The following OR10H1 variants were observed in gnomAD, a reference collection of about 807,000 sequenced individuals.
The protein encoded by OR10H1 is olfactory receptor 10H1.
Under a neutral mutation model 13.1 loss-of-function variants are expected in OR10H1, and 12 were observed. The observed-to-expected ratio is 0.92, with a 90% CI of 0.59 to 1.48. The LOEUF (loss-of-function observed/expected upper bound fraction) is 1.48, where lower values mean the gene tolerates loss of function less well. Ranked by LOEUF, OR10H1 falls within the 40% of genes most tolerant of loss-of-function variation. OR10H1 has a pLI of 0.00. For synonymous variants in OR10H1, 168 were observed against 175.6 expected, an observed-to-expected ratio of 0.96 and a Z score of 0.34; for missense variants, 363 against 413.1, an observed-to-expected ratio of 0.88 and a Z score of 1.05.
rs964318455 is a variant in OR10H1, at chr19:15,812,422, AAG to A, written c.-323_-322del. On this transcript the variant is annotated 5_prime_UTR_variant, in exon 2 of 4. The change abolishes the stop of an existing upstream ORF in the 5' untranslated region. Coordinates refer to ENST00000641419, the MANE Select transcript of OR10H1 (RefSeq NM_013940.4). ...AAAAGAAAGAAAAAAGGGAGGAAGA[AAG>A]AGAGGGAGGGAGGGAGGAAGGAAAG... is the stretch of plus-strand genomic sequence containing the variant. 3.3e-5 allele frequency: 5 copies of A among 149,574 alleles called. No individual in the cohort carries two copies. The highest frequency in any genetic ancestry group is 3.9e-4 in the East Asian group (2 of 5,066). The allele number at this position is 149,574 out of a possible 1,614,324, so 9.3% of individuals were successfully genotyped here.
Position 15,807,709 on chromosome 19 carries a change from G to A in OR10H1, c.329C>T (p.Thr110Ile). ...QMFFSFSFGF[T>I]HSFLLTVMGY... ...CATGACGGTGAGCAGGAAGGAGTGG[G>A]TGAAGCCGAAGCTGAAGGAGAAGAA... Residue 110 changes from threonine to isoleucine, a missense_variant, in exon 4 of 4, where the codon ACC becomes ATC. Thr to Ile is a moderately conservative substitution (Grantham distance 89, BLOSUM62 -1). Coordinates refer to ENST00000641419, the MANE Select transcript of OR10H1 (RefSeq NM_013940.4). The A allele has an allele frequency of 6.2e-7, 1 of 1,613,956 alleles. No homozygotes were observed. Among genetic ancestry groups the A allele is most frequent in the Non-Finnish European group, 8.5e-7 (1 of 1,179,908 alleles).
intron 3 of OR10H1, 107 bp from the exon 4 acceptor site, chr19:15,808,155 G>A (rs914520128): frequency 1.1e-6 from 1 of 885,874 alleles, no homozygotes; most frequent in South Asian, 1.6e-5. Flanking sequence ...AAATGGTTTG[G>A]TTCCATTCCC....
chr19:15,807,269 A>T lies in OR10H1; in HGVS notation c.769T>A (p.Ser257Thr). The change falls in exon 4 of 4, where the codon TCC becomes ACC. Residue 257 changes from serine to threonine, a missense_variant. By Grantham distance (58) the Ser-to-Thr change is moderately conservative. Coordinates refer to ENST00000641419, the MANE Select transcript of OR10H1 (RefSeq NM_013940.4). ...CTTTTGGGCTTCAGGTAAATGACGGAGGCAAAGCCATAGTGCACGACCACC... is the reference window on the plus strand; with the variant it reads ...CTTTTGGGCTTCAGGTAAATGACGGTGGCAAAGCCATAGTGCACGACCACC... ...TVVVVHYGFA[S>T]VIYLKPKSPQ... 5 of 1,614,168 alleles carry T rather than the reference A, an allele frequency of 3.1e-6. No individual in the cohort carries two copies. Among genetic ancestry groups the T allele is most frequent in the Non-Finnish European group, 4.2e-6 (5 of 1,180,038 alleles).
chr19:15,814,519 G>C (rs2088955978), intron 1 of OR10H1, among the ~76,000 whole-genome samples: 1 of 137,258 alleles, frequency 7.3e-6, no homozygotes, highest in Non-Finnish European at 1.6e-5. Context: ...GAGAGAGAGA[G>C]AGAGAGAGAG....
chr19:15,813,474 AAGAGAGAGAGAG>A (rs57320070), intron 1 of OR10H1, among the ~76,000 whole-genome samples: 1 of 138,864 alleles, frequency 7.2e-6, no homozygotes, highest in Non-Finnish European at 1.5e-5. Flanking sequence ...GAGGCAGGGG[AAGAGAGAGAGAG>A]AGAGAGAGAG....
intron 3 of OR10H1, among the ~76,000 whole-genome samples, chr19:15,808,463 G>A (rs1755754698): frequency 1.3e-5 from 2 of 152,198 alleles, no homozygotes; most frequent in Admixed American, 1.3e-4. Context: ...AAGGGGGAAG[G>A]ACGGCTTGAG....
intron 1 of OR10H1, among the ~76,000 whole-genome samples, chr19:15,813,655 G>T (rs2088947369): frequency 6.7e-6 from 1 of 149,646 alleles, no homozygotes. Flanking sequence ...GAGAAGTGGG[G>T]AGATAGAGAG....
chr19:15,808,859 A>AAAT lies in OR10H1; in HGVS notation c.-128-19_-128-18insATT, dbSNP rs1568453686. ...GCGAGTCTCTGTCTCAAAAAAAAAA[A>AAAT]AAATAAATAAATAAAAAGAAGAAGA... On this transcript the variant is annotated intron_variant, in intron 2 of 3. Transcript: ENST00000641419. 1.1e-4 allele frequency: 16 copies of AAAT among 151,668 alleles called. No homozygotes were observed. Among genetic ancestry groups the AAAT allele is most frequent in the Non-Finnish European group, 1.5e-4 (10 of 67,908 alleles). 9.4% of individuals were successfully genotyped at this position (151,668 alleles called of 1,614,324 possible).
At chr19:15,814,522 A>T (rs10409982) in intron 1 of OR10H1, among the ~76,000 whole-genome samples, 140 of 121,484 alleles carry the variant, frequency 1.2e-3, no homozygotes, top group African/African-American at 4.8e-3. Flanking sequence ...AGAGAGAGAG[A>T]GAGAGAGAGA....
intron 1 of OR10H1, among the ~76,000 whole-genome samples, chr19:15,813,516 C>CAG (rs146495989): frequency 8.4e-6 from 1 of 119,408 alleles, no homozygotes. Flanking sequence ...GAGGGAGAAA[C>CAG]AGAGAGAGAG....
chr19:15,807,928 A>T lies in OR10H1; in HGVS notation c.110T>A (p.Phe37Tyr). 6.2e-7 allele frequency: 1 copy of T among 1,614,114 alleles called. No individual in the cohort carries two copies. Among genetic ancestry groups the T allele is most frequent in the Admixed American group, 1.7e-5 (1 of 60,008 alleles). Residue 37 changes from phenylalanine to tyrosine, a missense_variant, in exon 4 of 4, where the codon TTC (phenylalanine) becomes TAC (tyrosine). Around this residue, in one of 3 missense-constraint regions of OR10H1, gnomAD observed 318 missense variants for 366.6 expected, o/e 0.87. Coordinates refer to ENST00000641419, the MANE Select transcript of OR10H1 (RefSeq NM_013940.4). Reference sequence around the variant, plus strand: ...GATGAGCAGGTTGCCCAGCAGCGTGAACAGGTACATCAGCAGGAACAGCAG... The same window carrying T: ...GATGAGCAGGTTGCCCAGCAGCGTGTACAGGTACATCAGCAGGAACAGCAG... Reference protein sequence around the residue: ...LFLLFLLMYLFTLLGNLLIMA... With the variant: ...LFLLFLLMYLYTLLGNLLIMA...
chr19:15,808,038 G>A lies in OR10H1; in HGVS notation c.-1C>T. On this transcript the variant is annotated 5_prime_UTR_variant, in exon 4 of 4. Transcript: ENST00000641419. ...CTGTGGAGTGATTGGCTCTCTGCAT[G>A]GAGGCTGTGCCTGGGGTGAGATGTG... 6.2e-7 allele frequency: 1 copy of A among 1,606,778 alleles called. No homozygotes were observed. Among genetic ancestry groups the A allele is most frequent in the Non-Finnish European group, 8.5e-7 (1 of 1,174,132 alleles).
At position 15,805,549 on chromosome 19, in the gene OR10H1, G is replaced by A. The variant is rs1415130216; in HGVS notation, c.*1532C>T. On this transcript the variant is annotated 3_prime_UTR_variant, in exon 4 of 4. Coordinates refer to ENST00000641419, the MANE Select transcript of OR10H1 (RefSeq NM_013940.4). Reference sequence around the variant, plus strand: ...TGCAACCTCTGCCTCCATGGTTCAAGCTATTCTCCTGTCTCAGCCTCCTGA... The same window carrying A: ...TGCAACCTCTGCCTCCATGGTTCAAACTATTCTCCTGTCTCAGCCTCCTGA... The A allele has an allele frequency of 6.9e-6, 1 of 145,374 alleles. No homozygotes were observed. Among genetic ancestry groups the A allele is most frequent in the African/African-American group, 2.5e-5 (1 of 39,426 alleles). The allele number at this position is 145,374 out of a possible 1,614,324, so 9.0% of individuals were successfully genotyped here. A position where few individuals can be genotyped will look rare whatever the true frequency, so the allele number is the denominator to read the frequency against.
intron 1 of OR10H1, among the ~76,000 whole-genome samples, chr19:15,815,340 C>CAA (rs10648172): frequency 0.026 from 3,064 of 115,726 alleles, 148 homozygotes; most frequent in African/African-American, 0.099. Context: ...GATTCCGTCT[C>CAA]AAAAAAAAAA....
chr19:15,807,881 G>A lies in OR10H1; in HGVS notation c.157C>T (p.Arg53Cys), dbSNP rs199503067. 5.9e-5 allele frequency: 96 copies of A among 1,614,016 alleles called. No homozygotes were observed. In the East Asian group the frequency reaches 1.8e-3, roughly 31 times the overall value. Residue 53 changes from arginine (R) to cysteine (C), a missense_variant, in exon 4 of 4, where the codon CGC becomes TGC. Arg to Cys is a radical substitution (Grantham distance 180). Around this residue, in one of 3 missense-constraint regions of OR10H1, gnomAD observed 318 missense variants for 366.6 expected, o/e 0.87. Transcript: ENST00000641419. ...LLIMATVWSE[R>C]SLHTPMYLFL... ...AGGTACATGGGCGTGTGGAGGCTGC[G>A]CTCGCTCCAGACGGTGGCCATGATG...
chr19:15,814,470 TGTGTGTGTGTGAGAGAGAGAGAGAGAGA>T (rs1259979361), intron 1 of OR10H1, among the ~76,000 whole-genome samples: 47 of 54,630 alleles, frequency 8.6e-4, no homozygotes, highest in African/African-American at 2.5e-3. Flanking sequence ...TGTGTGTGTG[TGTGTGTGTGTGAGAGAGAGAGAGAGAGA>T]GAGAGAGAGA....
intron 1 of OR10H1, among the ~76,000 whole-genome samples, chr19:15,814,641 T>C (rs1177799094): frequency 1.5e-5 from 2 of 130,532 alleles, no homozygotes; most frequent in South Asian, 2.7e-4. Flanking sequence ...ATCTCTGGAG[T>C]AGCTACAGGT....
chr19:15,807,597 G>T lies in OR10H1; in HGVS notation c.441C>A (p.Cys147Ter), dbSNP rs1247059996. 1 of 1,614,244 alleles carries T rather than the reference G, an allele frequency of 6.2e-7. No homozygotes were observed. The highest frequency in any genetic ancestry group is 1.3e-5 in the African/African-American group (1 of 75,072). ...CCATGACCAAGCCACCAGCCCAGGA[G>T]CAGCCCACCAGGCAGGCGCAGCCCC... ...SPRGCACLVG[C>*]SWAGGLVMGM... The change falls in exon 4 of 4, where the codon TGC becomes TGA. Residue 147 changes from cysteine to a stop codon, truncating the protein, a stop_gained. Transcript: ENST00000641419. LOFTEE classifies it high-confidence loss of function.
At chr19:15,808,139 C>G in intron 3 of OR10H1, 91 bp from the exon 4 acceptor site, 1 of 1,054,352 alleles carries the variant, frequency 9.5e-7, no homozygotes, top group South Asian at 1.5e-5. Context: ...AGGGACTGCT[C>G]TTGATAAATG....
Sources: allele counts gnomAD v4.1 joint callset (sites outside exome capture counted in the v4.1 genomes callset), GRCh38; gene constraint gnomAD v4.1.1; regional missense constraint gnomAD v4.1.1; transcripts MANE v1.5; gene names NCBI Gene and HGNC (gene_info 2026-07-23, HGNC 2026-07-21).